The following DNAH1 variants were observed in gnomAD, a reference collection of about 807,000 sequenced individuals.
The protein encoded by DNAH1 is dynein axonemal heavy chain 1, also known as axonemal beta dynein heavy chain 1.
A neutral mutation model predicts 484.3 loss-of-function variants in DNAH1; 327 were observed. The observed-to-expected ratio is 0.68, with a 90% CI of 0.62 to 0.74. The LOEUF (loss-of-function observed/expected upper bound fraction) is 0.74. DNAH1 is among the 30% of genes least tolerant of loss of function. The pLI is 0.00. For missense variants in DNAH1, 5,052 were observed against 5,546.8 expected, an observed-to-expected ratio of 0.91 and a Z score of 2.83; for synonymous variants, 2,192 against 2,191.9, an observed-to-expected ratio of 1.00 and a Z score of 0.00.
At position 52,362,847 on chromosome 3, in the gene DNAH1, T is replaced by TA; in HGVS notation, c.5095-147dup. The stretch of plus-strand genomic sequence containing the variant: ...CAAGGATCCACTCTAATGGCAGAGC[T>TA]ACCAGTCTCAGGGGAGTGAAAGCCT... On this transcript the variant is annotated intron_variant, in intron 31 of 77. Coordinates refer to ENST00000420323, the MANE Select transcript of DNAH1 (RefSeq NM_015512.5). The surrounding 1 kb of genome is among the most constrained non-coding windows in gnomAD (Gnocchi z 5.1). The TA allele has an allele frequency of 9.0e-7, 1 of 1,114,336 alleles. No individual in the cohort carries two copies. The highest frequency in any genetic ancestry group is 1.3e-6 in the Non-Finnish European group (1 of 764,320). The allele number at this position is 1,114,336 out of a possible 1,614,324, so 69.0% of individuals were successfully genotyped here. A position where few individuals can be genotyped will look rare whatever the true frequency, so the allele number is the denominator to read the frequency against.
intron 39 of DNAH1, 88 bp from the exon 40 acceptor site, chr3:52,370,389 C>A: frequency 1.3e-6 from 2 of 1,581,488 alleles, no homozygotes; most frequent in Admixed American, 1.7e-5. Flanking sequence ...AGCTGTGTAG[C>A]AGAGGTCAAG....
At chr3:52,326,972 AAG>A in intron 5 of DNAH1, 81 bp downstream of exon 5, 1 of 1,487,096 alleles carries the variant, frequency 6.7e-7, no homozygotes, top group Non-Finnish European at 9.0e-7. Context: ...TCAGATCTGA[AAG>A]GGGATTCCCC....
At chr3:52,396,280 C>T (rs1453677820) in intron 70 of DNAH1, 88 bp from the exon 71 acceptor site, 2 of 1,445,336 alleles carry the variant, frequency 1.4e-6, no homozygotes, top group East Asian at 5.0e-5. Flanking sequence ...GCCTGACCCA[C>T]CTCAGGGTCC....
rs1317875482 is a variant in DNAH1, at chr3:52,353,422, A to T, written c.3269A>T (p.Glu1090Val). 1.2e-6 allele frequency: 2 copies of T among 1,613,790 alleles called. No homozygotes were observed. Among genetic ancestry groups the T allele is most frequent in the Non-Finnish European group, 1.7e-6 (2 of 1,179,780 alleles). Residue 1090 changes from glutamate (E) to valine (V), a missense_variant, in exon 20 of 78, where the codon GAG (glutamate) becomes GTG (valine). Glu to Val is a moderately radical substitution (Grantham distance 121). Around this residue, in one of 4 missense-constraint regions of DNAH1, gnomAD observed 2,929 missense variants for 3,409.4 expected, o/e 0.86. Transcript: ENST00000420323. This position sits in a 1 kb window ranked among gnomAD's most constrained non-coding sequence, Gnocchi z 5.0. ...VALDIRARIE[E>V]FKPYIPLIQG... ...TTGGACATCCGGGCCCGCATCGAGGAGTTCAAACCATACATCCCACTGATC... is the reference window on the plus strand; with the variant it reads ...TTGGACATCCGGGCCCGCATCGAGGTGTTCAAACCATACATCCCACTGATC...
intron 8 of DNAH1, among the ~76,000 whole-genome samples, chr3:52,343,994 A>G (rs572421439): frequency 7.9e-5 from 12 of 152,308 alleles, no homozygotes; most frequent in African/African-American, 2.6e-4. Flanking sequence ...AGTGAAGTGC[A>G]GGGGTCACCC....
intron 44 of DNAH1, among the ~76,000 whole-genome samples, chr3:52,373,283 G>A (rs963976214): frequency 2.0e-5 from 3 of 150,362 alleles, no homozygotes; most frequent in Non-Finnish European, 4.4e-5. Context: ...GAGAGCAAGT[G>A]AATGTCTCAG....
rs1035984740 is a variant in DNAH1 at position 52,350,166 on chromosome 3, C to T, written c.2646+58C>T. On this transcript the variant is annotated intron_variant, in intron 15 of 77. Coordinates refer to ENST00000420323, the MANE Select transcript of DNAH1 (RefSeq NM_015512.5). ...AGGCACAGGGCTGGTGTTAAGAGTC[C>T]GAGGGCTGGGGCAGGCAGGGGCTGG... The T allele has an allele frequency of 2.3e-5, 37 of 1,581,624 alleles. 1 individual carries two copies. The South Asian group carries it at 2.9e-4, about 12-fold the overall frequency.
At chr3:52,367,644 G>A (rs185855217) in intron 36 of DNAH1, among the ~76,000 whole-genome samples, 5 of 151,466 alleles carry the variant, frequency 3.3e-5, no homozygotes, top group East Asian at 3.9e-4. Context: ...GCGCCATCTC[G>A]GCTCACCGCA....
chr3:52,342,080 G>C (rs974372030), intron 8 of DNAH1, among the ~76,000 whole-genome samples: 1 of 152,270 alleles, frequency 6.6e-6, no homozygotes, highest in Admixed American at 6.5e-5. Flanking sequence ...CTTTCTCACA[G>C]TGGTGATAAC....
Position 52,360,042 on chromosome 3 carries a change from G to C in DNAH1, c.4534G>C (p.Val1512Leu). The C allele has an allele frequency of 2.5e-6, 4 of 1,613,930 alleles. No homozygotes were observed. Among genetic ancestry groups the C allele is most frequent in the Non-Finnish European group, 3.4e-6 (4 of 1,179,894 alleles). ...GAGCAAGCTAATCCAGGAGAACGTG[G>C]TCAGCGTGAATGACTTCCAGTGGAT... Reference protein sequence around the residue: ...VVSKLIQENVVSVNDFQWISQ... With the variant: ...VVSKLIQENVLSVNDFQWISQ... Residue 1512 changes from valine (V) to leucine (L), a missense_variant, in exon 27 of 78, where the codon GTC (valine) becomes CTC (leucine). By Grantham distance (32) the Val-to-Leu change is conservative. Around this residue, in one of 4 missense-constraint regions of DNAH1, gnomAD observed 2,929 missense variants for 3,409.4 expected, o/e 0.86. Coordinates refer to ENST00000420323, the MANE Select transcript of DNAH1 (RefSeq NM_015512.5).
chr3:52,322,559 G>A lies in DNAH1; in HGVS notation c.117G>A (p.Gly39=), dbSNP rs559216813. The change falls in exon 2 of 78, where the codon GGG becomes GGA. Residue 39 remains glycine (G), a synonymous_variant. Coordinates refer to ENST00000420323, the MANE Select transcript of DNAH1 (RefSeq NM_015512.5). ...ACAGGGGCCTAGAGTATAACCCGGG[G>A]AAGATTCTTCCAGGATCAGACTATG... ...GTHRGLEYNP[G]KILPGSDYGL... The A allele has an allele frequency of 7.4e-6, 12 of 1,613,890 alleles. No individual in the cohort carries two copies. Among genetic ancestry groups the A allele is most frequent in the East Asian group, 2.2e-5 (1 of 44,874 alleles).
At chr3:52,374,844 G>A in intron 44 of DNAH1, 1 of 1,116,978 alleles carries the variant, frequency 9.0e-7, no homozygotes, top group Non-Finnish European at 1.4e-6. Context: ...ACGAGAAGAA[G>A]CATGGGTTAA....
At chr3:52,352,380 T>G (rs1270523715) in intron 17 of DNAH1, among the ~76,000 whole-genome samples, 172 bp from the exon 18 acceptor site, 1 of 152,054 alleles carries the variant, frequency 6.6e-6, no homozygotes, top group East Asian at 1.9e-4. Flanking sequence ...TGTCAGTGCA[T>G]TGGGTCTCCC....
chr3:52,340,731 G>A (rs1192918627), intron 8 of DNAH1, among the ~76,000 whole-genome samples: 3 of 152,096 alleles, frequency 2.0e-5, no homozygotes, highest in Admixed American at 6.5e-5. Flanking sequence ...CACTGTGCCC[G>A]GCCTCTGGTA....
At chr3:52,314,168 G>C (rs1236445741), upstream of DNAH1, among the ~76,000 whole-genome samples, 1 of 152,226 alleles carries the variant, frequency 6.6e-6, no homozygotes. Flanking sequence ...TCCAGCTGAC[G>C]CTCACCAAAC....
Position 52,371,955 on chromosome 3 carries a change from GT to G in DNAH1, c.6536del (p.Val2179GlyfsTer118), listed in dbSNP as rs778912059. 1.2e-6 allele frequency: 2 copies of G among 1,613,548 alleles called. No homozygotes were observed. Among genetic ancestry groups the G allele is most frequent in the Non-Finnish European group, 1.7e-6 (2 of 1,179,768 alleles). On this transcript the variant is annotated frameshift_variant, in exon 42 of 78. Transcript: ENST00000420323. LOFTEE classifies it high-confidence loss of function. ...EEEEYKQVAW[V>X]KWMDSSAPFT... ...CCACCTATGATTCCAGGTTGCCTGG[GT>G]GAAGTGGATGGACTCCTCAGCTCCA... is the stretch of plus-strand genomic sequence containing the variant.
intron 2 of DNAH1, among the ~76,000 whole-genome samples, chr3:52,323,339 G>A (rs761257489): frequency 1.3e-5 from 2 of 152,168 alleles, no homozygotes; most frequent in Admixed American, 1.3e-4. Context: ...GAAAAGAGAG[G>A]GGGGAATGAC....
chr3:52,333,722 T>C (rs749053849), intron 8 of DNAH1, among the ~76,000 whole-genome samples: 2 of 152,216 alleles, frequency 1.3e-5, no homozygotes, highest in African/African-American at 2.4e-5. Context: ...GTGAAAGTGA[T>C]ATGCATTCAG....
At chr3:52,327,515 G>A (rs1701390228) in intron 5 of DNAH1, among the ~76,000 whole-genome samples, 1 of 152,128 alleles carries the variant, frequency 6.6e-6, no homozygotes, top group African/African-American at 2.4e-5. Context: ...GAAAACCCAA[G>A]GGCCACCTCT....
Sources: allele counts gnomAD v4.1 joint callset (sites outside exome capture counted in the v4.1 genomes callset), GRCh38; gene constraint gnomAD v4.1.1; regional missense constraint gnomAD v4.1.1; non-coding constraint Gnocchi (gnomAD v3.1); transcripts MANE v1.5; gene names NCBI Gene and HGNC (gene_info 2026-07-23, HGNC 2026-07-21).